TENM3: variants seen among roughly 807,000 people sequenced by gnomAD.
TENM3 encodes teneurin-3.
In TENM3, 63 loss-of-function variants were observed where a neutral mutation model predicts 255.1. The ratio of observed to expected loss-of-function variants is 0.25; its 90% CI spans 0.20 to 0.30. The LOEUF (loss-of-function observed/expected upper bound fraction) is 0.30. Among genes scored for constraint, TENM3 ranks in the 10% least tolerant of loss-of-function variants. TENM3 has a pLI of 1.00. For synonymous variants in TENM3, 1,306 were observed against 1,322.3 expected (o/e 0.99, Z 0.27); for missense variants, 2,929 against 3,461.1 (o/e 0.85, Z 3.86).
chr4:182,073,543 TGTG>T, the TENM3 span, among the ~76,000 whole-genome samples: 40 of 152,328 alleles, frequency 2.6e-4, no homozygotes, highest in Non-Finnish European at 5.1e-4. Flanking sequence ...CCATCCAGTC[TGTG>T]GTGTTTTGTT....
At chr4:182,514,125 T>C (rs549297399) in intron 3 of TENM3, among the ~76,000 whole-genome samples, 1 of 152,342 alleles carries the variant, frequency 6.6e-6, no homozygotes, top group African/African-American at 2.4e-5. Context: ...GTATTGTCAG[T>C]GGCAGTCACC....
chr4:181,910,729 A>G, the TENM3 span, among the ~76,000 whole-genome samples: 1 of 151,396 alleles, frequency 6.6e-6, no homozygotes, highest in Non-Finnish European at 1.5e-5. Flanking sequence ...CACCTGCCTC[A>G]GCCCCCCAAA....
intron 4 of TENM3, among the ~76,000 whole-genome samples, chr4:182,612,478 C>T (rs989925150): frequency 6.6e-6 from 1 of 152,058 alleles, no homozygotes; most frequent in Non-Finnish European, 1.5e-5. Flanking sequence ...TCCACGATCA[C>T]CCATGCGTAA....
At chr4:181,686,520 T>G in the TENM3 span, among the ~76,000 whole-genome samples, 1 of 152,176 alleles carries the variant, frequency 6.6e-6, no homozygotes, top group Non-Finnish European at 1.5e-5. Flanking sequence ...CAATAAACAT[T>G]TATTGCGCCC....
At chr4:182,649,295 A>G (rs1340038724) in intron 5 of TENM3, among the ~76,000 whole-genome samples, 2 of 150,638 alleles carry the variant, frequency 1.3e-5, no homozygotes, top group Non-Finnish European at 3.0e-5. Flanking sequence ...GGCAAATATA[A>G]TCATTCTTTC....
chr4:182,517,229 C>T (rs552617861), intron 3 of TENM3, among the ~76,000 whole-genome samples: 25 of 152,114 alleles, frequency 1.6e-4, no homozygotes, highest in African/African-American at 4.6e-4. Context: ...CTTATGGAAA[C>T]GGCCAAAACC....
At chr4:182,160,169 A>C (rs1467218203) in intron 1 of TENM3, among the ~76,000 whole-genome samples, 2 of 149,980 alleles carry the variant, frequency 1.3e-5, no homozygotes, top group Non-Finnish European at 3.0e-5. Flanking sequence ...CGCCTGGCTA[A>C]TTTTATGTAT....
At chr4:181,457,577 C>G in the TENM3 span, among the ~76,000 whole-genome samples, 1 of 151,724 alleles carries the variant, frequency 6.6e-6, no homozygotes, top group African/African-American at 2.4e-5. Context: ...TCTTTAAGGA[C>G]ATAATTCATC....
intron 4 of TENM3, among the ~76,000 whole-genome samples, chr4:182,609,059 C>G (rs1748724548): frequency 6.6e-6 from 1 of 152,204 alleles, no homozygotes; most frequent in Non-Finnish European, 1.5e-5. Flanking sequence ...TCAGTGGCAA[C>G]TCTTGGGGAT....
At chr4:182,630,015 AT>A (rs1751210018) in intron 5 of TENM3, among the ~76,000 whole-genome samples, 1 of 152,196 alleles carries the variant, frequency 6.6e-6, no homozygotes, top group Non-Finnish European at 1.5e-5. Context: ...GGAAGACATC[AT>A]TAATGATTCA....
chr4:182,152,140 A>C (rs913992538), intron 1 of TENM3, among the ~76,000 whole-genome samples: 1 of 151,972 alleles, frequency 6.6e-6, no homozygotes, highest in Admixed American at 6.6e-5. Context: ...AAGAAAGTAC[A>C]TTTGTTGCCT....
At chr4:182,616,543 CAGG>C (rs1749547415) in intron 4 of TENM3, among the ~76,000 whole-genome samples, 1 of 99,144 alleles carries the variant, frequency 1.0e-5, no homozygotes, top group Non-Finnish European at 2.1e-5. Context: ...AAAAAAAGGT[CAGG>C]AGATCAAGAC....
chr4:181,465,356 AGACT>A, the TENM3 span, among the ~76,000 whole-genome samples: 1 of 152,064 alleles, frequency 6.6e-6, no homozygotes, highest in South Asian at 2.1e-4. Flanking sequence ...TGCATGGAAT[AGACT>A]GACTAACACA....
chr4:182,353,444 G>A (rs756985586), intron 3 of TENM3, among the ~76,000 whole-genome samples: 12 of 152,146 alleles, frequency 7.9e-5, no homozygotes, highest in Non-Finnish European at 1.2e-4. Context: ...AATAGCAAAC[G>A]TAATATGTCG....
chr4:181,974,557 G>A, the TENM3 span, among the ~76,000 whole-genome samples: 1 of 150,446 alleles, frequency 6.6e-6, no homozygotes, highest in Admixed American at 6.6e-5. Context: ...AACAGAGCGA[G>A]ACTCCATCTC....
the TENM3 span, among the ~76,000 whole-genome samples, chr4:181,552,669 G>A: frequency 1.3e-5 from 2 of 152,224 alleles, no homozygotes; most frequent in East Asian, 3.9e-4. Flanking sequence ...GGGGAAAATG[G>A]GCTTTATTAT....
chr4:181,573,895 T>C, the TENM3 span, among the ~76,000 whole-genome samples: 1 of 151,984 alleles, frequency 6.6e-6, no homozygotes, highest in Non-Finnish European at 1.5e-5. Flanking sequence ...GTCCCAAATA[T>C]CTCAAAGGAC....
rs139280583 is a variant in TENM3 at position 182,535,193 on chromosome 4, C to G, written c.512-65731C>G. ...TGCCTCAGGAAATCCTGCAGAGTTTCAAATAGAAATGTGTTCATCTTTCCT... is the reference window on the plus strand; with the variant it reads ...TGCCTCAGGAAATCCTGCAGAGTTTGAAATAGAAATGTGTTCATCTTTCCT... On this transcript the variant is annotated intron_variant, in intron 3 of 27. Coordinates refer to ENST00000511685, the MANE Select transcript of TENM3 (RefSeq NM_001080477.4). Among the ~76,000 whole-genome samples the G allele has an allele frequency of 7.9e-4, 121 of 152,286 alleles. No homozygotes were observed. In the East Asian group the frequency reaches 0.017, roughly 21 times the overall value.
chr4:182,614,674 T>G (rs1471622990), intron 4 of TENM3, among the ~76,000 whole-genome samples: 2 of 152,150 alleles, frequency 1.3e-5, no homozygotes, highest in African/African-American at 4.8e-5. Flanking sequence ...TCCTAGTACT[T>G]TTTCCTTTCC....
Sources: gnomAD v4.1 joint callset for allele counts (sites outside exome capture counted in the v4.1 genomes callset) on GRCh38, gnomAD v4.1.1 for gene constraint, MANE v1.5 for transcripts, NCBI Gene and HGNC (gene_info 2026-07-23, HGNC 2026-07-21) for gene names.